The following CNTNAP2 variants were observed in gnomAD, a reference collection of about 807,000 sequenced individuals.
The protein encoded by CNTNAP2 is contactin associated protein 2.
CNTNAP2 carries 98 observed loss-of-function variants against 155.2 expected under a neutral mutation model. The ratio of observed to expected loss-of-function variants is 0.63; its 90% CI spans 0.54 to 0.75. CNTNAP2 has a LOEUF of 0.75. CNTNAP2 is among the 30% of genes least tolerant of loss of function. The pLI is 0.00. For missense variants in CNTNAP2, 1,727 were observed against 1,688.1 expected, an observed-to-expected ratio of 1.02 and a Z score of -0.40; for synonymous variants, 651 against 631.2, an observed-to-expected ratio of 1.03 and a Z score of -0.47.
chr7:147,112,819 G>T (rs1584851387), intron 5 of CNTNAP2, among the ~76,000 whole-genome samples: 1 of 151,826 alleles, frequency 6.6e-6, no homozygotes, highest in African/African-American at 2.4e-5. Flanking sequence ...AAAAATATTT[G>T]CCCGAAGTTT....
chr7:147,114,832 G>T (rs1445642364), intron 5 of CNTNAP2, among the ~76,000 whole-genome samples: 2 of 152,144 alleles, frequency 1.3e-5, no homozygotes, highest in African/African-American at 4.8e-5. Flanking sequence ...ATTGTTATGT[G>T]TGGATTTGAT....
chr7:146,737,575 C>G (rs749567185), intron 1 of CNTNAP2, among the ~76,000 whole-genome samples: 2 of 151,940 alleles, frequency 1.3e-5, no homozygotes, highest in Non-Finnish European at 2.9e-5. Context: ...ACATAACGTA[C>G]CTTATTATAC....
At chr7:148,322,293 C>G (rs992593120) in intron 21 of CNTNAP2, among the ~76,000 whole-genome samples, 2 of 152,154 alleles carry the variant, frequency 1.3e-5, no homozygotes, top group Non-Finnish European at 2.9e-5. Context: ...AACCATATGC[C>G]AACCTACATT....
intron 1 of CNTNAP2, among the ~76,000 whole-genome samples, chr7:146,588,660 A>G (rs905541734): frequency 2.0e-5 from 3 of 152,008 alleles, no homozygotes; most frequent in Non-Finnish European, 4.4e-5. Flanking sequence ...AGTGTATGCC[A>G]CCACACCTGG....
At chr7:147,575,815 T>C (rs1197209282) in intron 12 of CNTNAP2, among the ~76,000 whole-genome samples, 2 of 151,998 alleles carry the variant, frequency 1.3e-5, no homozygotes, top group Non-Finnish European at 2.9e-5. Flanking sequence ...ATCTGCTGTA[T>C]GAGAGGTAAT....
At chr7:148,100,332 G>T (rs1055746057) in intron 15 of CNTNAP2, among the ~76,000 whole-genome samples, 1 of 152,078 alleles carries the variant, frequency 6.6e-6, no homozygotes, top group African/African-American at 2.4e-5. Flanking sequence ...CATCCACAAA[G>T]GTGACCACCA....
At chr7:146,238,653 T>A (rs1232965795) in intron 1 of CNTNAP2, among the ~76,000 whole-genome samples, 1 of 151,544 alleles carries the variant, frequency 6.6e-6, no homozygotes, top group African/African-American at 2.4e-5. Context: ...AACACGAGAG[T>A]ATTATGCTGT....
chr7:147,738,631 C>A (rs1406075589), intron 13 of CNTNAP2, among the ~76,000 whole-genome samples: 1 of 150,394 alleles, frequency 6.6e-6, no homozygotes, highest in Admixed American at 6.7e-5. Context: ...TAACTAGACA[C>A]AGTATAATGT....
At chr7:146,806,964 T>A (rs980167565) in intron 2 of CNTNAP2, among the ~76,000 whole-genome samples, 6 of 152,134 alleles carry the variant, frequency 3.9e-5, no homozygotes, top group Admixed American at 1.3e-4. Context: ...ATAATATTTT[T>A]AAAAATGTTT....
At position 148,374,156 on chromosome 7, in the gene CNTNAP2, C is replaced by T. The variant is rs148435697; in HGVS notation, c.3476-9493C>T. On this transcript the variant is annotated intron_variant, in intron 21 of 23. Coordinates refer to ENST00000361727, the MANE Select transcript of CNTNAP2 (RefSeq NM_014141.6). ...TTCAATCCCTACCTCAGGTCCATTT[C>T]GTGATGTTTATGCATTCATGCGATC... 2.0e-3 allele frequency among the ~76,000 whole-genome samples: 303 copies of T among 152,044 alleles called. 2 individuals are homozygous for T. Among genetic ancestry groups the T allele is most frequent in the African/African-American group, 6.8e-3 (282 of 41,472 alleles).
Position 148,030,865 on chromosome 7 carries a change from G to T in CNTNAP2, c.2383+52876G>T, listed in dbSNP as rs145768374. On this transcript the variant is annotated intron_variant, in intron 15 of 23. Transcript: ENST00000361727. Reference sequence around the variant, plus strand: ...AATCTGGGAGAGCAGTTTCATCTGAGTCAGGAGGAAATAAGTGGATGGAAT... The same window carrying T: ...AATCTGGGAGAGCAGTTTCATCTGATTCAGGAGGAAATAAGTGGATGGAAT... Among the ~76,000 whole-genome samples, 27 of 152,240 alleles carry T rather than the reference G, an allele frequency of 1.8e-4. No homozygotes were observed. The East Asian group carries it at 5.0e-3, about 28-fold the overall frequency.
At chr7:146,903,251 A>T (rs772664573) in intron 3 of CNTNAP2, among the ~76,000 whole-genome samples, 1 of 152,178 alleles carries the variant, frequency 6.6e-6, no homozygotes, top group Non-Finnish European at 1.5e-5. Context: ...CACCAGAGAT[A>T]GCTTGAGAAT....
At chr7:146,830,067 TA>T (rs1164749198) in intron 2 of CNTNAP2, among the ~76,000 whole-genome samples, 2 of 152,100 alleles carry the variant, frequency 1.3e-5, no homozygotes, top group Non-Finnish European at 2.9e-5. Flanking sequence ...TCCCAATCTA[TA>T]GTTAGCCGTT....
At chr7:146,413,341 T>C (rs1795893475) in intron 1 of CNTNAP2, among the ~76,000 whole-genome samples, 1 of 152,188 alleles carries the variant, frequency 6.6e-6, no homozygotes. Context: ...TGCAACTTGC[T>C]GTGGAGGTGC....
chr7:147,981,819 T>TGTGTGTGTGTGTGTGTGTG (rs1404450002), intron 15 of CNTNAP2, among the ~76,000 whole-genome samples: 3 of 113,678 alleles, frequency 2.6e-5, no homozygotes, highest in African/African-American at 9.9e-5. Flanking sequence ...GTGTGTGTGG[T>TGTGTGTGTGTGTGTGTGTG]TTTTTTTTTC....
At chr7:147,306,620 G>T (rs768244795) in intron 9 of CNTNAP2, among the ~76,000 whole-genome samples, 1 of 152,294 alleles carries the variant, frequency 6.6e-6, no homozygotes, top group Non-Finnish European at 1.5e-5. Context: ...ATTCTACGTG[G>T]AACTAACCGA....
intron 8 of CNTNAP2, among the ~76,000 whole-genome samples, chr7:147,253,377 TTC>T (rs1452194044): frequency 2.9e-4 from 43 of 148,304 alleles, no homozygotes; most frequent in African/African-American, 7.3e-4. Context: ...GCTTAACAGG[TTC>T]TCTGTTTTTT....
At chr7:146,748,447 A>AAATCTAT (rs1012368122) in intron 1 of CNTNAP2, among the ~76,000 whole-genome samples, 3 of 151,882 alleles carry the variant, frequency 2.0e-5, no homozygotes, top group African/African-American at 7.3e-5. Flanking sequence ...GCCCGGCCCC[A>AAATCTAT]AATCTATATG....
At chr7:147,461,915 A>G (rs1421803523) in intron 10 of CNTNAP2, among the ~76,000 whole-genome samples, 3 of 152,238 alleles carry the variant, frequency 2.0e-5, no homozygotes, top group Non-Finnish European at 4.4e-5. Context: ...GAACAATACA[A>G]TATCTTTCCA....
Sources: allele counts gnomAD v4.1 joint callset (sites outside exome capture counted in the v4.1 genomes callset), GRCh38; gene constraint gnomAD v4.1.1; transcripts MANE v1.5; gene names NCBI Gene and HGNC (gene_info 2026-07-23, HGNC 2026-07-21).